The following CNMD variants were observed in gnomAD, a reference collection of about 807,000 sequenced individuals.
The protein encoded by CNMD is leukocyte cell-derived chemotaxin 1.
In CNMD, 30 loss-of-function variants were observed where a neutral mutation model predicts 37.5. The ratio of observed to expected loss-of-function variants is 0.80; its 90% CI spans 0.60 to 1.09. The LOEUF (loss-of-function observed/expected upper bound fraction) is 1.09, where lower values mean the gene tolerates loss of function less well. CNMD is among the 50% of genes least tolerant of loss of function. CNMD has a pLI of 0.00. For synonymous variants in CNMD, 167 were observed against 148.2 expected (o/e 1.13, Z -0.92); for missense variants, 398 against 423.9 (o/e 0.94, Z 0.54).
At chr13:52,722,078 C>T (rs977842568) in intron 4 of CNMD, among the ~76,000 whole-genome samples, 1 of 151,970 alleles carries the variant, frequency 6.6e-6, no homozygotes, top group Non-Finnish European at 1.5e-5. Context: ...CTTGGTATAA[C>T]ATACTTGCAC....
At chr13:52,719,783 T>C (rs1358846932) in intron 4 of CNMD, among the ~76,000 whole-genome samples, 1 of 152,210 alleles carries the variant, frequency 6.6e-6, no homozygotes. Context: ...TCAATCTTGG[T>C]GAATCTGACG....
Position 52,703,403 on chromosome 13 carries a change from C to T in CNMD, c.*192G>A. The T allele has an allele frequency of 2.0e-6, 1 of 494,898 alleles. No individual in the cohort carries two copies. Among genetic ancestry groups the T allele is most frequent in the Non-Finnish European group, 3.6e-6 (1 of 277,126 alleles). 30.7% of individuals were successfully genotyped at this position (494,898 alleles called of 1,614,324 possible). On this transcript the variant is annotated 3_prime_UTR_variant, in exon 7 of 7. Coordinates refer to ENST00000377962, the MANE Select transcript of CNMD (RefSeq NM_007015.3). The stretch of plus-strand genomic sequence containing the variant: ...TATGGCATTTTAGACTTGAACTACC[C>T]TTTCAGTACATTTGCATATACTAAA...
At chr13:52,711,710 A>G (rs1324422250) in intron 5 of CNMD, among the ~76,000 whole-genome samples, 2 of 152,340 alleles carry the variant, frequency 1.3e-5, no homozygotes, top group South Asian at 2.1e-4. Context: ...TATTTTTAAA[A>G]ATTGTAAAAT....
In CNMD at chr13:52,733,242, T is replaced by C; in HGVS notation, c.331A>G (p.Ile111Val). 1 of 1,614,156 alleles carries C rather than the reference T, an allele frequency of 6.2e-7. No individual in the cohort carries two copies. Among genetic ancestry groups the C allele is most frequent in the Non-Finnish European group, 8.5e-7 (1 of 1,179,984 alleles). Reference protein sequence around the residue: ...FKMGSGAEEAIAVNDFQNGIT... With the variant: ...FKMGSGAEEAVAVNDFQNGIT... ...ACATTCTGGAAATCATTAACTGCAATTGCTTCTTCAGCTCCACTTCCCATT... is the reference window on the plus strand; with the variant it reads ...ACATTCTGGAAATCATTAACTGCAACTGCTTCTTCAGCTCCACTTCCCATT... The change falls in exon 3 of 7, where the codon ATT becomes GTT. Residue 111 changes from isoleucine (I) to valine (V), a missense_variant. By Grantham distance (29) the Ile-to-Val change is conservative. Coordinates refer to ENST00000377962, the MANE Select transcript of CNMD (RefSeq NM_007015.3).
At chr13:52,727,460 G>T (rs989027653) in intron 3 of CNMD, among the ~76,000 whole-genome samples, 1 of 152,078 alleles carries the variant, frequency 6.6e-6, no homozygotes, top group Non-Finnish European at 1.5e-5. Context: ...CCAGGAGTTC[G>T]CAACCAGCCT....
chr13:52,738,957 G>C, intron 2 of CNMD, 74 bp downstream of exon 2: 1 of 1,345,222 alleles, frequency 7.4e-7, no homozygotes, highest in Non-Finnish European at 9.5e-7. Context: ...GCCCCTCGCC[G>C]GCCCGCGCTC....
At chr13:52,713,252 G>A (rs898644938) in intron 4 of CNMD, among the ~76,000 whole-genome samples, 2 of 152,238 alleles carry the variant, frequency 1.3e-5, no homozygotes, top group African/African-American at 2.4e-5. Flanking sequence ...TTCATTTGAA[G>A]TGAAAATCTT....
At chr13:52,728,961 A>G (rs1056301727) in intron 3 of CNMD, among the ~76,000 whole-genome samples, 4 of 152,250 alleles carry the variant, frequency 2.6e-5, no homozygotes, top group African/African-American at 9.6e-5. Flanking sequence ...AGCACAAGAA[A>G]GCCAAGCAAA....
At chr13:52,716,953 CACG>C (rs915375545) in intron 4 of CNMD, among the ~76,000 whole-genome samples, 22 of 152,260 alleles carry the variant, frequency 1.4e-4, no homozygotes, top group African/African-American at 4.8e-4. Flanking sequence ...TGGCCATTTT[CACG>C]ACATTGATTC....
intron 6 of CNMD, among the ~76,000 whole-genome samples, chr13:52,706,629 T>A (rs537628553): frequency 6.6e-6 from 1 of 152,182 alleles, no homozygotes; most frequent in African/African-American, 2.4e-5. Context: ...ATTAAATGAA[T>A]AGTAGTCATT....
chr13:52,719,574 C>G (rs570274104), intron 4 of CNMD, among the ~76,000 whole-genome samples: 11 of 152,280 alleles, frequency 7.2e-5, no homozygotes, highest in Admixed American at 6.5e-4. Flanking sequence ...TTTATTTCTC[C>G]TTCACTTATG....
intron 3 of CNMD, among the ~76,000 whole-genome samples, chr13:52,725,921 A>G (rs1414375126): frequency 6.6e-6 from 1 of 152,240 alleles, no homozygotes; most frequent in Non-Finnish European, 1.5e-5. Flanking sequence ...GCCCTACAGA[A>G]GCTGGTGAGT....
chr13:52,708,455 A>G, intron 6 of CNMD, 81 bp downstream of exon 6: 1 of 1,300,834 alleles, frequency 7.7e-7, no homozygotes, highest in Non-Finnish European at 1.1e-6. Flanking sequence ...TGCTAGGATT[A>G]CAGGCGTAAG....
chr13:52,739,668 G>C lies in CNMD; in HGVS notation c.34C>G (p.Leu12Val), dbSNP rs1202645687. The C allele has an allele frequency of 1.2e-6, 2 of 1,614,190 alleles. No individual in the cohort carries two copies. Among genetic ancestry groups the C allele is most frequent in the Non-Finnish European group, 1.7e-6 (2 of 1,180,012 alleles). Residue 12 changes from leucine to valine, a missense_variant, in exon 1 of 7, where the codon CTG becomes GTG. Transcript: ENST00000377962. This position sits in a 1 kb window ranked among gnomAD's most constrained non-coding sequence, Gnocchi z 5.4. ...TENSDKVPIA[L>V]VGPDDVEFCS... ...AATTCCACGTCATCAGGTCCCACCA[G>C]GGCAATGGGAACTTTGTCGGAGTTC...
At chr13:52,736,427 C>G (rs1315803322) in intron 2 of CNMD, among the ~76,000 whole-genome samples, 2 of 152,182 alleles carry the variant, frequency 1.3e-5, no homozygotes, top group African/African-American at 4.8e-5. Context: ...CCACGCCTGG[C>G]CTGCAGCCCA....
At position 52,739,327 on chromosome 13, in the gene CNMD, C is replaced by G. The variant is rs1964843199; in HGVS notation, c.73-156G>C. 3.3e-6 allele frequency: 3 copies of G among 897,794 alleles called. No homozygotes were observed. Among genetic ancestry groups the G allele is most frequent in the Non-Finnish European group, 4.8e-6 (3 of 622,826 alleles). The allele number at this position is 897,794 out of a possible 1,614,324, so 55.6% of individuals were successfully genotyped here. On this transcript the variant is annotated intron_variant, in intron 1 of 6. Coordinates refer to ENST00000377962, the MANE Select transcript of CNMD (RefSeq NM_007015.3). This position sits in a 1 kb window ranked among gnomAD's most constrained non-coding sequence, Gnocchi z 5.4. ...CTACGGGTGCCCCTTTCGCCGCGCT[C>G]CCTCCCGAGGGTCCTTTGCAGTCGG...
chr13:52,721,625 CTG>C (rs977893470), intron 4 of CNMD, among the ~76,000 whole-genome samples: 27 of 152,208 alleles, frequency 1.8e-4, no homozygotes, highest in African/African-American at 6.5e-4. Flanking sequence ...GCTGCACCCA[CTG>C]TCTAACCACT....
At chr13:52,727,586 T>C (rs1046916199) in intron 3 of CNMD, among the ~76,000 whole-genome samples, 3 of 152,056 alleles carry the variant, frequency 2.0e-5, no homozygotes, top group African/African-American at 7.2e-5. Context: ...GGTATATATA[T>C]ATATATCCAC....
chr13:52,715,766 G>C (rs1030890921), intron 4 of CNMD, among the ~76,000 whole-genome samples: 1 of 152,190 alleles, frequency 6.6e-6, no homozygotes, highest in African/African-American at 2.4e-5. Context: ...GGGCATTTGG[G>C]TTGGTTCCAA....
Sources: allele counts gnomAD v4.1 joint callset (sites outside exome capture counted in the v4.1 genomes callset), GRCh38; gene constraint gnomAD v4.1.1; non-coding constraint Gnocchi (gnomAD v3.1); transcripts MANE v1.5; gene names NCBI Gene and HGNC (gene_info 2026-07-23, HGNC 2026-07-21).